Variants in SLC5A4 observed in about 807,000 individuals in gnomAD.
SLC5A4 encodes the protein solute carrier family 5 member 4, also known as probable glucose sensor protein SLC5A4.
In SLC5A4, 55 loss-of-function variants were observed where a neutral mutation model predicts 70.3. The observed-to-expected ratio is 0.78, with a 90% CI of 0.63 to 0.98. The LOEUF (loss-of-function observed/expected upper bound fraction) is 0.98, where lower values mean the gene tolerates loss of function less well. Ranked by LOEUF, SLC5A4 falls within the 50% of genes least tolerant of loss-of-function variation. The pLI is 0.00. For synonymous variants in SLC5A4, 268 were observed against 305.7 expected (o/e 0.88, Z 1.29); for missense variants, 735 against 839.2 (o/e 0.88, Z 1.53).
At chr22:32,275,934 T>C in the SLC5A4 span, among the ~76,000 whole-genome samples, 1 of 152,226 alleles carries the variant, frequency 6.6e-6, no homozygotes, top group Non-Finnish European at 1.5e-5. Flanking sequence ...TGGTATCTCA[T>C]TGTGGTTTTG....
chr22:32,331,181 A>ATGTGTTGGGGGCTCTGGTGTG, the SLC5A4 span, among the ~76,000 whole-genome samples: 1 of 56,672 alleles, frequency 1.8e-5, no homozygotes, highest in Admixed American at 2.8e-4. Flanking sequence ...GCTCTGGTGT[A>ATGTGTTGGGGGCTCTGGTGTG]TGTGTTGGGG....
At chr22:32,332,380 C>T in the SLC5A4 span, among the ~76,000 whole-genome samples, 1 of 152,168 alleles carries the variant, frequency 6.6e-6, no homozygotes, top group South Asian at 2.1e-4. Flanking sequence ...TGCCTCTGCA[C>T]ATGCTATTTC....
At chr22:32,346,642 G>C in the SLC5A4 span, among the ~76,000 whole-genome samples, 2 of 133,972 alleles carry the variant, frequency 1.5e-5, no homozygotes, top group African/African-American at 6.2e-5. Flanking sequence ...GGGAAAACTG[G>C]CTAGCCATAT....
chr22:32,227,001 A>G (rs1281745998), intron 11 of SLC5A4, among the ~76,000 whole-genome samples: 1 of 152,048 alleles, frequency 6.6e-6, no homozygotes, highest in Non-Finnish European at 1.5e-5. Flanking sequence ...CCACCTCCTC[A>G]GAGAGGACTC....
the SLC5A4 span, chr22:32,270,725 G>A: frequency 1.6e-6 from 1 of 642,538 alleles, no homozygotes. Flanking sequence ...ATCCCTGTGG[G>A]CCTGGTCACC....
At chr22:32,330,553 G>A in the SLC5A4 span, among the ~76,000 whole-genome samples, 1 of 131,214 alleles carries the variant, frequency 7.6e-6, no homozygotes, top group East Asian at 2.5e-4. Context: ...TGGTGTGTAT[G>A]TTTTGGGCTC....
chr22:32,312,689 G>T, the SLC5A4 span, among the ~76,000 whole-genome samples: 6 of 152,016 alleles, frequency 3.9e-5, no homozygotes, highest in South Asian at 4.1e-4. Flanking sequence ...GGGGGCTTTG[G>T]GCACAGGCAG....
the SLC5A4 span, chr22:32,271,164 GC>G: frequency 1.5e-6 from 1 of 685,814 alleles, no homozygotes; most frequent in Non-Finnish European, 2.7e-6. Context: ...GCCTGCTGTT[GC>G]AGGAGAATGG....
the SLC5A4 span, among the ~76,000 whole-genome samples, chr22:32,338,015 C>G: frequency 8.5e-5 from 13 of 152,224 alleles, no homozygotes; most frequent in African/African-American, 3.1e-4. Context: ...TCTCTTGAGT[C>G]AGTGTGATGC....
chr22:32,352,984 G>A, the SLC5A4 span, among the ~76,000 whole-genome samples: 1 of 152,226 alleles, frequency 6.6e-6, no homozygotes, highest in Non-Finnish European at 1.5e-5. Context: ...CTCCTGGCAT[G>A]AAACAACTGG....
chr22:32,246,559 ACT>A (rs1184478286), intron 5 of SLC5A4, among the ~76,000 whole-genome samples: 1 of 151,950 alleles, frequency 6.6e-6, no homozygotes, highest in Non-Finnish European at 1.5e-5. Flanking sequence ...ATGGAGTCTC[ACT>A]CTGTCTCCCA....
At chr22:32,263,496 G>T in the SLC5A4 span, among the ~76,000 whole-genome samples, 1 of 152,136 alleles carries the variant, frequency 6.6e-6, no homozygotes, top group Non-Finnish European at 1.5e-5. Flanking sequence ...AAACCACAAT[G>T]AGATACCATT....
chr22:32,261,764 G>A, the SLC5A4 span, among the ~76,000 whole-genome samples: 1 of 152,198 alleles, frequency 6.6e-6, no homozygotes, highest in African/African-American at 2.4e-5. Context: ...CAAATAGTAT[G>A]TTTTATTCAT....
chr22:32,220,065 C>T (rs938314398), intron 14 of SLC5A4, among the ~76,000 whole-genome samples: 2 of 151,322 alleles, frequency 1.3e-5, no homozygotes, highest in Non-Finnish European at 2.9e-5. Context: ...ACACACAGCC[C>T]TTATGGTATT....
the SLC5A4 span, among the ~76,000 whole-genome samples, chr22:32,310,412 GC>G: frequency 1.3e-5 from 2 of 152,200 alleles, no homozygotes; most frequent in Non-Finnish European, 2.9e-5. Context: ...CCACCCCAAG[GC>G]TTCCTCTGCC....
At chr22:32,326,748 T>C in the SLC5A4 span, among the ~76,000 whole-genome samples, 3 of 152,094 alleles carry the variant, frequency 2.0e-5, no homozygotes, top group Non-Finnish European at 4.4e-5. Context: ...GTTGAGGGTT[T>C]TGGGAGAGGG....
the SLC5A4 span, among the ~76,000 whole-genome samples, chr22:32,304,944 A>G: frequency 6.6e-6 from 1 of 152,054 alleles, no homozygotes; most frequent in Non-Finnish European, 1.5e-5. Context: ...TTCCACGTGA[A>G]TGTCCACTTG....
chr22:32,275,600 C>T, the SLC5A4 span, among the ~76,000 whole-genome samples: 1 of 152,194 alleles, frequency 6.6e-6, no homozygotes, highest in African/African-American at 2.4e-5. Flanking sequence ...GCCACATTTT[C>T]TTAATCCAGT....
the SLC5A4 span, among the ~76,000 whole-genome samples, chr22:32,265,398 A>T: frequency 9.2e-5 from 14 of 152,036 alleles, no homozygotes; most frequent in African/African-American, 2.9e-4. Flanking sequence ...AAGAAAAAAA[A>T]ATTTGCTTCC....
Sources: allele counts gnomAD v4.1 joint callset (sites outside exome capture counted in the v4.1 genomes callset), GRCh38; gene constraint gnomAD v4.1.1; transcripts MANE v1.5; gene names NCBI Gene and HGNC (gene_info 2026-07-23, HGNC 2026-07-21).